Variants in PTPRG observed in about 807,000 individuals in gnomAD.
The protein encoded by PTPRG is protein tyrosine phosphatase receptor type G, also known as receptor-type tyrosine-protein phosphatase gamma.
In PTPRG, 102 loss-of-function variants were observed where a neutral mutation model predicts 165.3. The ratio of observed to expected loss-of-function variants is 0.62; its 90% CI spans 0.53 to 0.73. The LOEUF is 0.73. Ranked by LOEUF, PTPRG falls within the 30% of genes least tolerant of loss-of-function variation. The pLI, the probability that PTPRG is intolerant of heterozygous loss-of-function variation, is 0.00. For missense variants in PTPRG, 1,866 were observed against 1,861.4 expected, an observed-to-expected ratio of 1.00 and a Z score of -0.05; for synonymous variants, 675 against 669.5, an observed-to-expected ratio of 1.01 and a Z score of -0.13.
At chr3:61,728,909 A>G (rs921441307) in intron 1 of PTPRG, among the ~76,000 whole-genome samples, 3 of 151,770 alleles carry the variant, frequency 2.0e-5, no homozygotes, top group East Asian at 1.9e-4. Context: ...AAGAAAGAAA[A>G]AAATTAGCTG....
chr3:62,272,526 A>G (rs564546655), intron 21 of PTPRG, among the ~76,000 whole-genome samples: 40 of 152,262 alleles, frequency 2.6e-4, no homozygotes, highest in East Asian at 1.5e-3. Flanking sequence ...CTAAGTGAAT[A>G]ACGTACGTCA....
At chr3:62,083,096 T>G (rs1398100593) in intron 5 of PTPRG, among the ~76,000 whole-genome samples, 1 of 152,216 alleles carries the variant, frequency 6.6e-6, no homozygotes, top group South Asian at 2.1e-4. Flanking sequence ...AATACTTGTT[T>G]AGTTGATTTA....
intron 4 of PTPRG, among the ~76,000 whole-genome samples, chr3:62,017,940 A>G (rs961046848): frequency 7.2e-5 from 11 of 152,154 alleles, no homozygotes; most frequent in African/African-American, 2.4e-4. Flanking sequence ...ATGAGCCAAG[A>G]CAGAAGCCAT....
At chr3:61,594,795 C>G (rs577217088) in intron 1 of PTPRG, among the ~76,000 whole-genome samples, 1 of 152,164 alleles carries the variant, frequency 6.6e-6, no homozygotes, top group African/African-American at 2.4e-5. Flanking sequence ...GCTTTCAAGC[C>G]TGACTCTTAT....
At chr3:61,567,965 C>CAA (rs11451025) in intron 1 of PTPRG, among the ~76,000 whole-genome samples, 31,764 of 123,228 alleles carry the variant, frequency 0.26, 4,627 homozygotes, top group Admixed American at 0.32. Flanking sequence ...GACCCTGCCT[C>CAA]AAAAAAAAAA....
intron 2 of PTPRG, among the ~76,000 whole-genome samples, chr3:61,947,662 G>A (rs1168451305): frequency 1.3e-5 from 2 of 152,182 alleles, no homozygotes; most frequent in African/African-American, 2.4e-5. Flanking sequence ...TCCTGCCTCT[G>A]CCTGGGTTGG....
chr3:62,014,907 G>A (rs992537411), intron 4 of PTPRG, among the ~76,000 whole-genome samples: 1 of 152,218 alleles, frequency 6.6e-6, no homozygotes, highest in Non-Finnish European at 1.5e-5. Flanking sequence ...CTTAGGAAAT[G>A]CTGCATGACA....
chr3:61,622,828 G>T (rs1233406007), intron 1 of PTPRG, among the ~76,000 whole-genome samples: 1 of 152,164 alleles, frequency 6.6e-6, no homozygotes, highest in Non-Finnish European at 1.5e-5. Context: ...GCCTCTTAAT[G>T]AATCACATTA....
At chr3:61,613,728 A>G (rs1256730180) in intron 1 of PTPRG, among the ~76,000 whole-genome samples, 8 of 152,166 alleles carry the variant, frequency 5.3e-5, no homozygotes, top group Admixed American at 5.2e-4. Flanking sequence ...ATCCATTATT[A>G]GGTTACTGAA....
chr3:62,130,425 C>T (rs1011972038), intron 5 of PTPRG, among the ~76,000 whole-genome samples: 2 of 152,200 alleles, frequency 1.3e-5, no homozygotes, highest in African/African-American at 4.8e-5. Flanking sequence ...TTGGTGTACA[C>T]TTTCCATAGA....
intron 2 of PTPRG, among the ~76,000 whole-genome samples, chr3:61,803,274 A>G (rs2035301545): frequency 6.6e-6 from 1 of 152,228 alleles, no homozygotes; most frequent in Admixed American, 6.5e-5. Context: ...TATTCAACCC[A>G]TTATCTCTGC....
At chr3:62,086,028 T>C (rs1004718431) in intron 5 of PTPRG, among the ~76,000 whole-genome samples, 1 of 152,208 alleles carries the variant, frequency 6.6e-6, no homozygotes, top group African/African-American at 2.4e-5. Flanking sequence ...TTATATCTTA[T>C]GTATATTTTT....
chr3:61,562,415 C>A, intron 1 of PTPRG, 43 bp downstream of exon 1: 1 of 1,592,182 alleles, frequency 6.3e-7, no homozygotes, highest in Non-Finnish European at 8.6e-7. Flanking sequence ...GGCCGGCGCG[C>A]GTTGGGGATG....
chr3:61,916,392 G>T (rs959061907), intron 2 of PTPRG, among the ~76,000 whole-genome samples: 2 of 152,030 alleles, frequency 1.3e-5, no homozygotes, highest in African/African-American at 4.8e-5. Context: ...TCTAATTTTC[G>T]TGTTAGATGG....
At chr3:61,646,771 G>T (rs1575561119) in intron 1 of PTPRG, among the ~76,000 whole-genome samples, 1 of 152,114 alleles carries the variant, frequency 6.6e-6, no homozygotes, top group South Asian at 2.1e-4. Context: ...TCACTGCAAA[G>T]ATCTCATATG....
At chr3:61,671,695 C>T (rs1452868555) in intron 1 of PTPRG, among the ~76,000 whole-genome samples, 1 of 148,956 alleles carries the variant, frequency 6.7e-6, no homozygotes, top group Non-Finnish European at 1.5e-5. Flanking sequence ...AGAGGGGCTC[C>T]TCACTTCCCA....
chr3:61,748,943 A>G lies in PTPRG; in HGVS notation c.151A>G (p.Arg51Gly), dbSNP rs767434065. Residue 51 changes from arginine (R) to glycine (G), a missense_variant, in exon 2 of 30, where the codon AGG (arginine) becomes GGG (glycine). By Grantham distance (125) the Arg-to-Gly change is moderately radical (BLOSUM62 -2). This residue lies in a region of PTPRG where 408 missense variants were observed against 376.2 expected (regional missense o/e 1.08). Coordinates refer to ENST00000474889, the MANE Select transcript of PTPRG (RefSeq NM_002841.4). ...NRHGSAVQIR[R>G]RKASGDPYWA... Reference sequence around the variant, plus strand: ...ACACGGCAGCGCAGTGCAGATCCGCAGGCGCAAGGCTTCAGGCGACCCGTA... The same window carrying G: ...ACACGGCAGCGCAGTGCAGATCCGCGGGCGCAAGGCTTCAGGCGACCCGTA... 14 of 1,612,096 alleles carry G rather than the reference A, an allele frequency of 8.7e-6. No homozygotes were observed. The highest frequency in any genetic ancestry group is 1.3e-5 in the African/African-American group (1 of 74,932).
intron 2 of PTPRG, among the ~76,000 whole-genome samples, chr3:61,756,772 T>G (rs2033648526): frequency 6.6e-6 from 1 of 152,246 alleles, no homozygotes; most frequent in South Asian, 2.1e-4. Context: ...TGTGTTGTTA[T>G]CAAGTGGTAC....
At chr3:61,782,997 G>A (rs1050382272) in intron 2 of PTPRG, among the ~76,000 whole-genome samples, 3 of 151,820 alleles carry the variant, frequency 2.0e-5, no homozygotes, top group Non-Finnish European at 4.4e-5. Context: ...TAAGAGATGG[G>A]GACTCACTAT....
Sources: gnomAD v4.1 joint callset for allele counts (sites outside exome capture counted in the v4.1 genomes callset) on GRCh38, gnomAD v4.1.1 for gene constraint, gnomAD v4.1.1 regional missense constraint, MANE v1.5 for transcripts, NCBI Gene and HGNC (gene_info 2026-07-23, HGNC 2026-07-21) for gene names.